FNDC3B: variants seen among roughly 807,000 people sequenced by gnomAD.
The protein encoded by FNDC3B is fibronectin type III domain containing 3B, also known as fibronectin type III domain-containing protein 3B.
FNDC3B carries 12 observed loss-of-function variants against 151.5 expected under a neutral mutation model. That is an observed-to-expected ratio of 0.08 (90% CI 0.05 to 0.13). The LOEUF (loss-of-function observed/expected upper bound fraction) is 0.13. Ranked by LOEUF, FNDC3B falls within the 10% of genes least tolerant of loss-of-function variation. The probability of loss-of-function intolerance (pLI) is 1.00; values close to 1 mark genes in which losing one functional copy is unlikely to be tolerated. For missense variants in FNDC3B, 1,214 were observed against 1,505.3 expected (o/e 0.81, Z 3.20); for synonymous variants, 528 against 549.0 (o/e 0.96, Z 0.54).
At position 172,352,426 on chromosome 3, in the gene FNDC3B, A is replaced by G. The variant is rs570609794; in HGVS notation, c.2515-377A>G. 5.9e-5 allele frequency among the ~76,000 whole-genome samples: 9 copies of G among 152,300 alleles called. No homozygotes were observed. In the East Asian group the frequency reaches 1.5e-3, roughly 26 times the overall value. On this transcript the variant is annotated intron_variant, in intron 21 of 25. Coordinates refer to ENST00000415807, the MANE Select transcript of FNDC3B (RefSeq NM_022763.4). This position sits in a 1 kb window ranked among gnomAD's most constrained non-coding sequence, Gnocchi z 4.2. ...TGCCTCTAAATCTGAGGCCTAAGTT[A>G]TCATCTGACTCTGAGTTCCTGTCTC...
chr3:172,319,621 G>A (rs1442854641), intron 11 of FNDC3B, among the ~76,000 whole-genome samples: 5 of 152,166 alleles, frequency 3.3e-5, no homozygotes, highest in African/African-American at 7.2e-5. Flanking sequence ...TGAAAGAGGC[G>A]TCCCTGGGGG....
At chr3:172,088,401 C>A (rs1718655463) in intron 1 of FNDC3B, among the ~76,000 whole-genome samples, 2 of 152,310 alleles carry the variant, frequency 1.3e-5, no homozygotes, top group South Asian at 2.1e-4. Flanking sequence ...AGATGGCCAC[C>A]ACGGTCATCT....
chr3:172,353,452 G>A (rs554129543), intron 22 of FNDC3B, among the ~76,000 whole-genome samples: 1 of 152,332 alleles, frequency 6.6e-6, no homozygotes, highest in Admixed American at 6.5e-5. Context: ...TGGCTTAAAT[G>A]ATGGTAAAAC....
chr3:172,320,781 A>G (rs1262028925), intron 11 of FNDC3B, among the ~76,000 whole-genome samples: 1 of 152,194 alleles, frequency 6.6e-6, no homozygotes, highest in African/African-American at 2.4e-5. Context: ...AGTTACATGT[A>G]TAGAATGAGC....
At chr3:172,149,153 C>G (rs896134403) in intron 3 of FNDC3B, among the ~76,000 whole-genome samples, 8 of 152,204 alleles carry the variant, frequency 5.3e-5, no homozygotes, top group African/African-American at 1.9e-4. Flanking sequence ...TGATACAAAT[C>G]TTACTAACTC....
chr3:172,057,842 C>G (rs541316239), intron 1 of FNDC3B, among the ~76,000 whole-genome samples: 1 of 151,498 alleles, frequency 6.6e-6, no homozygotes, highest in East Asian at 1.9e-4. Flanking sequence ...CTGTCTACAC[C>G]CATTAGATTT....
At chr3:172,083,388 G>A (rs188703955) in intron 1 of FNDC3B, among the ~76,000 whole-genome samples, 93 of 152,330 alleles carry the variant, frequency 6.1e-4, no homozygotes, top group Admixed American at 2.0e-3. Context: ...CACTGAACTC[G>A]GAGAATCTGC....
rs117613696 is a variant in FNDC3B, at chr3:172,245,179, A to T, written c.265-2354A>T. Among the ~76,000 whole-genome samples the T allele has an allele frequency of 2.8e-4, 42 of 152,286 alleles. No individual in the cohort carries two copies. The East Asian group carries it at 4.1e-3, about 15-fold the overall frequency. ...TTTTTGATAATTTTTTTTTAAAACC[A>T]CTTTGTTAACAGGTCCAAAGTTATA... On this transcript the variant is annotated intron_variant, in intron 4 of 25. Transcript: ENST00000415807.
At chr3:172,229,945 G>C (rs892010610) in intron 4 of FNDC3B, among the ~76,000 whole-genome samples, 34 of 152,226 alleles carry the variant, frequency 2.2e-4, no homozygotes, top group African/African-American at 7.7e-4. Context: ...TGCTGGAAAA[G>C]CTGGATATCC....
At chr3:172,133,833 G>A (rs1559981760) in intron 3 of FNDC3B, among the ~76,000 whole-genome samples, 1 of 152,088 alleles carries the variant, frequency 6.6e-6, no homozygotes, top group Non-Finnish European at 1.5e-5. Flanking sequence ...AACTCACAGG[G>A]GGCTAATGGT....
intron 4 of FNDC3B, among the ~76,000 whole-genome samples, chr3:172,245,677 A>G (rs1027594332): frequency 3.3e-5 from 5 of 152,208 alleles, no homozygotes; most frequent in South Asian, 2.1e-4. Flanking sequence ...AGAATTTCCA[A>G]TGTCATGGTT....
intron 19 of FNDC3B, among the ~76,000 whole-genome samples, chr3:172,344,604 T>C (rs1733514324): frequency 6.6e-6 from 1 of 152,234 alleles, no homozygotes; most frequent in Non-Finnish European, 1.5e-5. Context: ...ATAATAGTTC[T>C]AATAAAAGTT....
chr3:172,391,140 C>G (rs1735988027), intron 25 of FNDC3B, among the ~76,000 whole-genome samples: 1 of 152,158 alleles, frequency 6.6e-6, no homozygotes, highest in Non-Finnish European at 1.5e-5. Context: ...TGCTAAGAGA[C>G]TTTAAGAAAT....
At chr3:172,075,238 A>G (rs938705626) in intron 1 of FNDC3B, among the ~76,000 whole-genome samples, 4 of 152,184 alleles carry the variant, frequency 2.6e-5, no homozygotes, top group Non-Finnish European at 5.9e-5. Context: ...GCCAAGAACC[A>G]GGGAAGCCAT....
At chr3:172,049,368 G>C (rs1464972648) in intron 1 of FNDC3B, among the ~76,000 whole-genome samples, 1 of 152,014 alleles carries the variant, frequency 6.6e-6, no homozygotes, top group Non-Finnish European at 1.5e-5. Context: ...GGGAAAAAAG[G>C]GCATTTTAAT....
At position 172,262,894 on chromosome 3, in the gene FNDC3B, C is replaced by CA. The variant is rs67891835; in HGVS notation, c.790+11381dup. Among the ~76,000 whole-genome samples the CA allele has an allele frequency of 6.9e-3, 420 of 60,584 alleles. 83 individuals are homozygous for CA. The highest frequency in any genetic ancestry group is 0.024 in the African/African-American group (367 of 15,518). 39.7% of individuals were successfully genotyped at this position (60,584 alleles called of 152,430 possible). On this transcript the variant is annotated intron_variant, in intron 6 of 25. Coordinates refer to ENST00000415807, the MANE Select transcript of FNDC3B (RefSeq NM_022763.4). ...CCTAGATGACAGAGTGAGACCGACT[C>CA]AAAAAAAAAAAAAAAAAAAAAAAAA...
intron 1 of FNDC3B, among the ~76,000 whole-genome samples, chr3:172,087,754 T>C (rs559434979): frequency 1.1e-4 from 16 of 152,340 alleles, no homozygotes; most frequent in African/African-American, 3.6e-4. Context: ...AATGCTGATG[T>C]ACAAATATGA....
chr3:172,358,928 G>A (rs1734223500), intron 22 of FNDC3B, among the ~76,000 whole-genome samples: 1 of 133,752 alleles, frequency 7.5e-6, no homozygotes, highest in Admixed American at 8.5e-5. Flanking sequence ...CACTGCTAAA[G>A]AGTGTTAAAT....
At chr3:172,255,766 T>A (rs1728304813) in intron 6 of FNDC3B, among the ~76,000 whole-genome samples, 1 of 152,192 alleles carries the variant, frequency 6.6e-6, no homozygotes, top group Non-Finnish European at 1.5e-5. Context: ...TGGGGTCCTC[T>A]CTGGTGGAAT....
Sources: gnomAD v4.1 joint callset for allele counts (sites outside exome capture counted in the v4.1 genomes callset) on GRCh38, gnomAD v4.1.1 for gene constraint, Gnocchi (gnomAD v3.1) non-coding constraint, MANE v1.5 for transcripts, NCBI Gene and HGNC (gene_info 2026-07-23, HGNC 2026-07-21) for gene names.